Variants in TANC1 observed in about 807,000 individuals in gnomAD.
TANC1 encodes tetratricopeptide repeat, ankyrin repeat and coiled-coil containing 1.
TANC1 carries 77 observed loss-of-function variants against 149.7 expected under a neutral mutation model. The observed-to-expected ratio is 0.51, with a 90% CI of 0.43 to 0.62. TANC1 has a LOEUF of 0.62. Among genes scored for constraint, TANC1 ranks in the 20% least tolerant of loss-of-function variants. The pLI, the probability that TANC1 is intolerant of heterozygous loss-of-function variation, is 0.00. For missense variants in TANC1, 1,985 were observed against 2,321.8 expected, an observed-to-expected ratio of 0.85 and a Z score of 2.98; for synonymous variants, 854 against 925.0, an observed-to-expected ratio of 0.92 and a Z score of 1.39.
At chr2:159,140,951 A>T (rs781306315) in intron 5 of TANC1, among the ~76,000 whole-genome samples, 2 of 152,148 alleles carry the variant, frequency 1.3e-5, no homozygotes, top group African/African-American at 4.8e-5. Context: ...TTGGCCTCCC[A>T]AAGTGCCAGG....
At chr2:159,075,799 A>C (rs1019591250) in intron 3 of TANC1, among the ~76,000 whole-genome samples, 1 of 151,892 alleles carries the variant, frequency 6.6e-6, no homozygotes, top group African/African-American at 2.4e-5. Flanking sequence ...ATACCTTTGT[A>C]TGAATTTTAT....
At chr2:159,057,203 C>G (rs908764793) in intron 2 of TANC1, among the ~76,000 whole-genome samples, 2 of 152,254 alleles carry the variant, frequency 1.3e-5, no homozygotes, top group Non-Finnish European at 2.9e-5. Context: ...GCGTGAGCCA[C>G]CATGCCCAGC....
rs190377022 is a variant in TANC1, at chr2:159,183,902, C to T, written c.2511-1889C>T. ...TGACTTGCATATCGTTTGCGTGTCC[C>T]CTCCCATTGCTTAGAGCTTCTCAAT... On this transcript the variant is annotated intron_variant, in intron 14 of 26. Coordinates refer to ENST00000263635, the MANE Select transcript of TANC1 (RefSeq NM_033394.3). 3.3e-5 allele frequency among the ~76,000 whole-genome samples: 5 copies of T among 152,206 alleles called. No homozygotes were observed. In the South Asian group the frequency reaches 6.2e-4, roughly 19 times the overall value.
chr2:159,158,136 G>A (rs547515900), intron 7 of TANC1, among the ~76,000 whole-genome samples: 21 of 152,218 alleles, frequency 1.4e-4, no homozygotes, highest in African/African-American at 4.1e-4. Flanking sequence ...TGGGAGGATC[G>A]CTTGAGCCCA....
chr2:159,155,598 G>T (rs1208148282), intron 7 of TANC1, among the ~76,000 whole-genome samples: 1 of 152,210 alleles, frequency 6.6e-6, no homozygotes, highest in African/African-American at 2.4e-5. Flanking sequence ...ACCTGAGCTG[G>T]CAGGCATGAG....
intron 22 of TANC1, among the ~76,000 whole-genome samples, chr2:159,221,508 CCT>C (rs1268373762): frequency 6.6e-6 from 1 of 152,174 alleles, no homozygotes; most frequent in Non-Finnish European, 1.5e-5. Context: ...CGCAGGTCCC[CCT>C]GTCTCCCAGC....
intron 2 of TANC1, among the ~76,000 whole-genome samples, chr2:159,020,177 G>T (rs921080642): frequency 1.3e-4 from 20 of 152,276 alleles, no homozygotes; most frequent in African/African-American, 4.8e-4. Context: ...GAGTGCAGTG[G>T]CACGATCTCA....
intron 14 of TANC1, among the ~76,000 whole-genome samples, chr2:159,181,017 C>A (rs1395877913): frequency 2.0e-5 from 3 of 152,150 alleles, no homozygotes; most frequent in African/African-American, 7.2e-5. Flanking sequence ...TTCCCCAACT[C>A]CCAGTTGTCG....
At chr2:159,129,011 G>C (rs1227805114) in intron 4 of TANC1, among the ~76,000 whole-genome samples, 16 of 152,194 alleles carry the variant, frequency 1.1e-4, no homozygotes, top group African/African-American at 3.6e-4. Context: ...TGAAAACCTA[G>C]ATCAGATAAA....
chr2:159,137,249 G>A (rs2050857821), intron 5 of TANC1, among the ~76,000 whole-genome samples: 1 of 152,166 alleles, frequency 6.6e-6, no homozygotes, highest in Non-Finnish European at 1.5e-5. Context: ...GTGCTGTATG[G>A]CAGGGAGTGG....
intron 7 of TANC1, among the ~76,000 whole-genome samples, chr2:159,160,653 A>C (rs972953245): frequency 6.6e-6 from 1 of 152,064 alleles, no homozygotes; most frequent in African/African-American, 2.4e-5. Flanking sequence ...CCACCTGTGT[A>C]GGCTACATCT....
At chr2:159,044,167 C>T (rs2040864656) in intron 2 of TANC1, among the ~76,000 whole-genome samples, 1 of 152,186 alleles carries the variant, frequency 6.6e-6, no homozygotes, top group Admixed American at 6.5e-5. Flanking sequence ...ATGCCAGGAA[C>T]AATGGCTCTC....
At chr2:159,116,799 C>A (rs1273267546) in intron 4 of TANC1, among the ~76,000 whole-genome samples, 1 of 152,182 alleles carries the variant, frequency 6.6e-6, no homozygotes, top group Non-Finnish European at 1.5e-5. Flanking sequence ...ATGTGCTAGA[C>A]ACTGCATGAA....
rs753213985 is a variant in TANC1 at position 159,065,941 on chromosome 2, G to GA, written c.32dup (p.Gly13ArgfsTer11). On this transcript the variant is annotated frameshift_variant, in exon 3 of 27. Transcript: ENST00000263635. LOFTEE classifies it high-confidence loss of function. ...AAAGGCTGTGCTGAAGAAGAGCCGA[G>GA]AGGGAGGAAAGGGAGGCAAGAAGGA... The GA allele has an allele frequency of 1.9e-6, 3 of 1,614,048 alleles. No homozygotes were observed. Among genetic ancestry groups the GA allele is most frequent in the Non-Finnish European group, 2.5e-6 (3 of 1,179,900 alleles).
intron 2 of TANC1, among the ~76,000 whole-genome samples, chr2:159,011,445 G>A (rs905238494): frequency 3.3e-5 from 5 of 152,008 alleles, no homozygotes; most frequent in Non-Finnish European, 7.4e-5. Flanking sequence ...TAAATGGTAG[G>A]TCAGTTTTCC....
At chr2:159,220,592 G>T (rs987215367) in intron 22 of TANC1, among the ~76,000 whole-genome samples, 11 of 147,578 alleles carry the variant, frequency 7.5e-5, no homozygotes, top group African/African-American at 2.5e-4. Flanking sequence ...GTAAGCCCCT[G>T]CACCTGGCTT....
chr2:159,164,514 A>T (rs2054376814), intron 8 of TANC1, among the ~76,000 whole-genome samples: 1 of 152,116 alleles, frequency 6.6e-6, no homozygotes, highest in African/African-American at 2.4e-5. Context: ...TGGGGAAAGG[A>T]GCTCTCTGCA....
At chr2:159,098,728 A>AC (rs1482461207) in intron 4 of TANC1, among the ~76,000 whole-genome samples, 1 of 152,174 alleles carries the variant, frequency 6.6e-6, no homozygotes, top group African/African-American at 2.4e-5. Flanking sequence ...TTTACACTTA[A>AC]CATTACCCAA....
At chr2:159,004,172 T>C (rs2149340849) in intron 2 of TANC1, 1 of 1,612,574 alleles carries the variant, frequency 6.2e-7, no homozygotes, top group Non-Finnish European at 8.5e-7. Context: ...GTGCTGACAG[T>C]TTAACAAGCC....
Sources: allele counts gnomAD v4.1 joint callset (sites outside exome capture counted in the v4.1 genomes callset), GRCh38; gene constraint gnomAD v4.1.1; transcripts MANE v1.5; gene names NCBI Gene and HGNC (gene_info 2026-07-23, HGNC 2026-07-21).